The following NCR3 variants were observed in gnomAD, a reference collection of about 807,000 sequenced individuals.
NCR3 encodes NK-p30.
NCR3 carries 13 observed loss-of-function variants against 16.1 expected under a neutral mutation model. The ratio of observed to expected loss-of-function variants is 0.81; its 90% CI spans 0.53 to 1.28. The LOEUF (loss-of-function observed/expected upper bound fraction) is 1.28. NCR3 is among the 50% of genes most tolerant of loss of function. The pLI, the probability that NCR3 is intolerant of heterozygous loss-of-function variation, is 0.00. For missense variants in NCR3, 202 were observed against 256.8 expected (o/e 0.79, Z 1.46); for synonymous variants, 98 against 106.6 (o/e 0.92, Z 0.50).
At chr6:31,591,882 G>A (rs551347420) in intron 1 of NCR3, among the ~76,000 whole-genome samples, 2 of 152,148 alleles carry the variant, frequency 1.3e-5, no homozygotes, top group South Asian at 2.1e-4. Context: ...TTGGGAGACC[G>A]AGGCAGGCAG....
At chr6:31,591,204 G>A (rs140891515) in intron 1 of NCR3, among the ~76,000 whole-genome samples, 37 of 152,302 alleles carry the variant, frequency 2.4e-4, no homozygotes, top group African/African-American at 8.7e-4. Context: ...AGGTGAAGAC[G>A]TGGCCTTAAT....
chr6:31,591,589 G>A (rs989344100), intron 1 of NCR3, among the ~76,000 whole-genome samples: 7 of 152,236 alleles, frequency 4.6e-5, no homozygotes, highest in African/African-American at 2.4e-5. Flanking sequence ...GCCAAGGCGA[G>A]TGGATCACCT....
chr6:31,590,852 T>G (rs1011502551), intron 1 of NCR3, among the ~76,000 whole-genome samples: 1 of 152,136 alleles, frequency 6.6e-6, no homozygotes, highest in Non-Finnish European at 1.5e-5. Context: ...TCTTTTTTCT[T>G]TTTTTGAGAT....
Position 31,592,672 on chromosome 6 carries a change from CT to C in NCR3, c.43+6del, listed in dbSNP as rs1194264884. 1 of 1,612,984 alleles carries C rather than the reference CT, an allele frequency of 6.2e-7. No individual in the cohort carries two copies. Among genetic ancestry groups the C allele is most frequent in the Admixed American group, 1.7e-5 (1 of 60,008 alleles). ...CTCCTTGGGGTCCTGAGCGCACGCC[CT>C]GTCACCTGGATGGACCATGATCAAG... On this transcript the variant is annotated splice_donor_region_variant and intron_variant, in intron 1 of 3. Coordinates refer to ENST00000340027, the MANE Select transcript of NCR3 (RefSeq NM_147130.3).
intron 1 of NCR3, 112 bp from the exon 2 acceptor site, chr6:31,590,238 G>A: frequency 1.2e-6 from 1 of 833,936 alleles, no homozygotes; most frequent in Non-Finnish European, 1.8e-6. Flanking sequence ...GGGTGCATGG[G>A]AATAGATACT....
Position 31,592,845 on chromosome 6 carries a change from C to A in NCR3, c.-124G>T. 1 of 941,052 alleles carries A rather than the reference C, an allele frequency of 1.1e-6. No homozygotes were observed. The highest frequency in any genetic ancestry group is 2.0e-5 in the Admixed American group (1 of 50,920). The allele number at this position is 941,052 out of a possible 1,614,324, so 58.3% of individuals were successfully genotyped here. On this transcript the variant is annotated 5_prime_UTR_variant, in exon 1 of 4. Coordinates refer to ENST00000340027, the MANE Select transcript of NCR3 (RefSeq NM_147130.3). ...TGGGGATGGGGAGCTTCCTATGACA[C>A]ACGGGACTCACACATCACTTGCCAA... is the stretch of plus-strand genomic sequence containing the variant.
In NCR3 at chr6:31,592,794, T is replaced by C; in HGVS notation, c.-73A>G. On this transcript the variant is annotated 5_prime_UTR_variant, in exon 1 of 4. Coordinates refer to ENST00000340027, the MANE Select transcript of NCR3 (RefSeq NM_147130.3). ...GGGTGGAGGAGGAAGGACTCACTAC[T>C]TGTAGCCAGGCCTTTGGTCACCAGA... 1 of 1,558,978 alleles carries C rather than the reference T, an allele frequency of 6.4e-7. No homozygotes were observed. Among genetic ancestry groups the C allele is most frequent in the Non-Finnish European group, 8.8e-7 (1 of 1,133,528 alleles).
At position 31,589,680 on chromosome 6, in the gene NCR3, G is replaced by A. The variant is rs1458607263; in HGVS notation, c.389-47C>T. On this transcript the variant is annotated intron_variant, in intron 2 of 3. Transcript: ENST00000340027. This position sits in a 1 kb window ranked among gnomAD's most constrained non-coding sequence, Gnocchi z 4.8. The stretch of plus-strand genomic sequence containing the variant: ...GGGGTTGGGGAAGAAGTGCACACAG[G>A]CTCAGGGAGGGAAGGGGCCTCAGAG... The A allele has an allele frequency of 1.2e-6, 2 of 1,609,768 alleles. No individual in the cohort carries two copies. Among genetic ancestry groups the A allele is most frequent in the East Asian group, 4.5e-5 (2 of 44,854 alleles).
At position 31,589,427 on chromosome 6, in the gene NCR3, T is replaced by C. The variant is rs1320713005; in HGVS notation, c.496+99A>G. ...GGACAGGAGCTGCTCAGTGTTGCAGTCCCGAGGCTCTCCTCTTCCTGGTCT... is the reference window on the plus strand; with the variant it reads ...GGACAGGAGCTGCTCAGTGTTGCAGCCCCGAGGCTCTCCTCTTCCTGGTCT... On this transcript the variant is annotated intron_variant, in intron 3 of 3. Coordinates refer to ENST00000340027, the MANE Select transcript of NCR3 (RefSeq NM_147130.3). This position sits in a 1 kb window ranked among gnomAD's most constrained non-coding sequence, Gnocchi z 4.8. 1.3e-6 allele frequency: 2 copies of C among 1,558,274 alleles called. No individual in the cohort carries two copies. The highest frequency in any genetic ancestry group is 8.7e-7 in the Non-Finnish European group (1 of 1,149,490).
Position 31,592,839 on chromosome 6 carries a change from A to G in NCR3, c.-118T>C, listed in dbSNP as rs1169120256. ...ACCAGATGGGGATGGGGAGCTTCCT[A>G]TGACACACGGGACTCACACATCACT... On this transcript the variant is annotated 5_prime_UTR_variant, in exon 1 of 4. It removes the in-frame stop codon of an upstream open reading frame in the 5' UTR. Transcript: ENST00000340027. The G allele has an allele frequency of 6.7e-6, 7 of 1,046,698 alleles. No individual in the cohort carries two copies. Among genetic ancestry groups the G allele is most frequent in the South Asian group, 1.3e-5 (1 of 75,506 alleles). 64.8% of individuals were successfully genotyped at this position (1,046,698 alleles called of 1,614,324 possible).
At position 31,589,002 on chromosome 6, in the gene NCR3, C is replaced by T. The variant is rs1169894032; in HGVS notation, c.*65G>A. 2.7e-6 allele frequency: 4 copies of T among 1,481,546 alleles called. No homozygotes were observed. Among genetic ancestry groups the T allele is most frequent in the Non-Finnish European group, 3.6e-6 (4 of 1,113,586 alleles). 91.8% of individuals were successfully genotyped at this position (1,481,546 alleles called of 1,614,324 possible). A position where few individuals can be genotyped will look rare whatever the true frequency, so the allele number is the denominator to read the frequency against. On this transcript the variant is annotated 3_prime_UTR_variant, in exon 4 of 4. Coordinates refer to ENST00000340027, the MANE Select transcript of NCR3 (RefSeq NM_147130.3). The surrounding 1 kb of genome is among the most constrained non-coding windows in gnomAD (Gnocchi z 4.8). ...CAGAAGAGGGTATGTGTGGGCCTGG[C>T]AGGAAAGGGCAGTTGCCAAGGAGGA...
In NCR3 at chr6:31,589,770, C is replaced by T; in HGVS notation, c.388+12G>A. 1 of 1,607,206 alleles carries T rather than the reference C, an allele frequency of 6.2e-7. No individual in the cohort carries two copies. Among genetic ancestry groups the T allele is most frequent in the Non-Finnish European group, 8.5e-7 (1 of 1,176,074 alleles). On this transcript the variant is annotated intron_variant, in intron 2 of 3. Transcript: ENST00000340027. The surrounding 1 kb of genome is among the most constrained non-coding windows in gnomAD (Gnocchi z 4.8). ...TCCAGCCAGGAGGAGACACCACCTC[C>T]CAGCATCTCACCTTTCTCCACCACC... is the stretch of plus-strand genomic sequence containing the variant.
chr6:31,591,237 C>G (rs989005364), intron 1 of NCR3, among the ~76,000 whole-genome samples: 1 of 152,148 alleles, frequency 6.6e-6, no homozygotes, highest in African/African-American at 2.4e-5. Context: ...CTATTTAACC[C>G]GTCCATGTTG....
At position 31,589,905 on chromosome 6, in the gene NCR3, G is replaced by A; in HGVS notation, c.265C>T (p.His89Tyr). The A allele has an allele frequency of 1.2e-6, 2 of 1,613,162 alleles. No homozygotes were observed. The highest frequency in any genetic ancestry group is 1.7e-6 in the Non-Finnish European group (2 of 1,180,050). ...PLASSRFLHDHQAELHIRDVR... is the reference protein window; with the variant it reads ...PLASSRFLHDYQAELHIRDVR... Reference sequence around the variant, plus strand: ...TCCCGGATGTGCAGCTCAGCCTGGTGGTCATGGAGGAAACGGGAAGAAGCA... The same window carrying A: ...TCCCGGATGTGCAGCTCAGCCTGGTAGTCATGGAGGAAACGGGAAGAAGCA... Residue 89 changes from histidine (H) to tyrosine (Y), a missense_variant, in exon 2 of 4, where the codon CAC (histidine) becomes TAC (tyrosine). By Grantham distance (83) the His-to-Tyr change is moderately conservative (BLOSUM62 2). Coordinates refer to ENST00000340027, the MANE Select transcript of NCR3 (RefSeq NM_147130.3). This position sits in a 1 kb window ranked among gnomAD's most constrained non-coding sequence, Gnocchi z 4.8.
At chr6:31,590,278 A>C in intron 1 of NCR3, 152 bp from the exon 2 acceptor site, 1 of 662,018 alleles carries the variant, frequency 1.5e-6, no homozygotes, top group Non-Finnish European at 2.5e-6. Context: ...CTTCCCTCTT[A>C]ACCAATCTGA....
rs1772363991 is a variant in NCR3, at chr6:31,589,083, G to A, written c.590C>T (p.Pro197Leu). 1 of 1,596,700 alleles carries A rather than the reference G, an allele frequency of 6.3e-7. No homozygotes were observed. Among genetic ancestry groups the A allele is most frequent in the Admixed American group, 1.7e-5 (1 of 57,820 alleles). ...PCGSSAHLLPPVPGG is the reference protein window; with the variant it reads ...PCGSSAHLLPLVPGG ...CAATCAGGCTCAGCCTCCTGGGACT[G>A]GGGGAAGCAGATGTGCTGAGCTCCC... The change falls in exon 4 of 4, where the codon CCA becomes CTA. Residue 197 changes from proline to leucine, a missense_variant. Coordinates refer to ENST00000340027, the MANE Select transcript of NCR3 (RefSeq NM_147130.3). This position sits in a 1 kb window ranked among gnomAD's most constrained non-coding sequence, Gnocchi z 4.8.
intron 1 of NCR3, 141 bp downstream of exon 1, chr6:31,592,538 C>T: frequency 1.2e-6 from 1 of 829,970 alleles, no homozygotes; most frequent in Non-Finnish European, 2.0e-6. Flanking sequence ...TGAGTGTCAC[C>T]TTTGGAGCAG....
In NCR3 at chr6:31,591,537, C is replaced by T. The variant is rs184058322; in HGVS notation, c.43+1142G>A. 1.2e-3 allele frequency among the ~76,000 whole-genome samples: 184 copies of T among 152,336 alleles called. 9 individuals carry two copies. The South Asian group carries it at 0.03, about 25-fold the overall frequency. On this transcript the variant is annotated intron_variant, in intron 1 of 3. Coordinates refer to ENST00000340027, the MANE Select transcript of NCR3 (RefSeq NM_147130.3). ...TCAGTTCATTAAAAACAGTTTCGGC[C>T]GGGTGCAGTGGCTCACGCCTATAAT...
chr6:31,591,533 C>T (rs775078456), intron 1 of NCR3, among the ~76,000 whole-genome samples: 3 of 152,210 alleles, frequency 2.0e-5, no homozygotes, highest in African/African-American at 7.2e-5. Flanking sequence ...AAAACAGTTT[C>T]GGCCGGGTGC....
Sources: gnomAD v4.1 joint callset for allele counts (sites outside exome capture counted in the v4.1 genomes callset) on GRCh38, gnomAD v4.1.1 for gene constraint, Gnocchi (gnomAD v3.1) non-coding constraint, MANE v1.5 for transcripts, NCBI Gene and HGNC (gene_info 2026-07-23, HGNC 2026-07-21) for gene names.